Variants in UPP1 observed in about 807,000 individuals in gnomAD.
The protein encoded by UPP1 is uridine phosphorylase 1, also known as UPase 1.
UPP1 carries 25 observed loss-of-function variants against 29.6 expected under a neutral mutation model. That is an observed-to-expected ratio of 0.85 (90% CI 0.62 to 1.18). UPP1 has a LOEUF of 1.18. Ranked by LOEUF, UPP1 falls within the 50% of genes most tolerant of loss-of-function variation. The probability of loss-of-function intolerance (pLI) is 0.00; values close to 1 mark genes in which losing one functional copy is unlikely to be tolerated. For missense variants in UPP1, 368 were observed against 410.4 expected, an observed-to-expected ratio of 0.90 and a Z score of 0.89; for synonymous variants, 165 against 159.8, an observed-to-expected ratio of 1.03 and a Z score of -0.25.
At chr7:48,099,113 T>C (rs561126516) in intron 3 of UPP1, among the ~76,000 whole-genome samples, 1 of 152,364 alleles carries the variant, frequency 6.6e-6, no homozygotes, top group African/African-American at 2.4e-5. Flanking sequence ...GCACATTTTC[T>C]AGCAGATAAA....
rs544113219 is a variant in UPP1 at position 48,104,003 on chromosome 7, A to G, written c.436+592A>G. 219 of 861,722 alleles carry G rather than the reference A, an allele frequency of 2.5e-4. No homozygotes were observed. The African/African-American group carries it at 3.8e-3, about 15-fold the overall frequency. The allele number at this position is 861,722 out of a possible 1,614,324, so 53.4% of individuals were successfully genotyped here. ...GGGAGGCCGAGGCGGGCGGATCACA[A>G]GATCGGGAGATCGAGACCATCCTGG... On this transcript the variant is annotated intron_variant, in intron 6 of 8. Coordinates refer to ENST00000395564, the MANE Select transcript of UPP1 (RefSeq NM_003364.4).
At chr7:48,088,980 G>A (rs1456464773), upstream of UPP1, 1 of 152,298 alleles carries the variant, frequency 6.6e-6, no homozygotes, top group Non-Finnish European at 1.5e-5. Flanking sequence ...ACTGGCTGCT[G>A]GTTCTTTACA....
intron 3 of UPP1, among the ~76,000 whole-genome samples, chr7:48,098,826 C>T (rs891649017): frequency 6.6e-6 from 1 of 152,190 alleles, no homozygotes; most frequent in Non-Finnish European, 1.5e-5. Flanking sequence ...AGAAGGCATA[C>T]ATTGTTGAAG....
At chr7:48,098,589 G>A (rs981130616) in intron 3 of UPP1, among the ~76,000 whole-genome samples, 2 of 152,192 alleles carry the variant, frequency 1.3e-5, no homozygotes, top group African/African-American at 4.8e-5. Flanking sequence ...TGAGGGGGGT[G>A]CATCCCTTAT....
intron 6 of UPP1, among the ~76,000 whole-genome samples, 190 bp downstream of exon 6, chr7:48,103,601 C>A (rs941615001): frequency 6.6e-6 from 1 of 152,090 alleles, no homozygotes; most frequent in Admixed American, 6.5e-5. Context: ...TCTCCCAACC[C>A]GCACCCCAGA....
chr7:48,094,686 T>C, intron 2 of UPP1, 77 bp from the exon 3 acceptor site: 2 of 1,302,090 alleles, frequency 1.5e-6, no homozygotes, highest in Non-Finnish European at 2.2e-6. Context: ...ACTGACTTTC[T>C]ACATATTAGT....
At chr7:48,104,863 G>C (rs974816657) in intron 6 of UPP1, 2 of 152,206 alleles carry the variant, frequency 1.3e-5, no homozygotes, top group East Asian at 3.9e-4. Context: ...TTGCTCTGGA[G>C]TGATTTTTAA....
intron 5 of UPP1, among the ~76,000 whole-genome samples, 200 bp from the exon 6 acceptor site, chr7:48,103,097 G>A (rs1326393613): frequency 2.0e-5 from 3 of 152,166 alleles, no homozygotes; most frequent in African/African-American, 7.2e-5. Flanking sequence ...CGATCAAATG[G>A]GGTTTTGTCT....
At position 48,107,366 on chromosome 7, in the gene UPP1, G is replaced by C; in HGVS notation, c.652G>C (p.Gly218Arg). ...TGTCTCCATGTGTGCCTCAGGGCAAGGCCGTCTGGATGGGGCTCTCTGCTC... is the reference window on the plus strand; with the variant it reads ...TGTCTCCATGTGTGCCTCAGGGCAACGCCGTCTGGATGGGGCTCTCTGCTC... ...MCTLDFYEGQ[G>R]RLDGALCSYT... Residue 218 changes from glycine to arginine, a missense_variant, in exon 8 of 9, where the codon GGC becomes CGC. Gly to Arg is a moderately radical substitution (Grantham distance 125, BLOSUM62 -2). Coordinates refer to ENST00000395564, the MANE Select transcript of UPP1 (RefSeq NM_003364.4). The C allele has an allele frequency of 1.2e-6, 2 of 1,612,050 alleles. No individual in the cohort carries two copies. Among genetic ancestry groups the C allele is most frequent in the Non-Finnish European group, 1.7e-6 (2 of 1,178,660 alleles).
chr7:48,106,927 A>G lies in UPP1; in HGVS notation c.491A>G (p.Lys164Arg), dbSNP rs199777752. Residue 164 changes from lysine (K) to arginine (R), a missense_variant, in exon 7 of 9, where the codon AAG becomes AGG. Physicochemically the swap from Lys to Arg is conservative, Grantham distance 26. Transcript: ENST00000395564. Reference protein sequence around the residue: ...ITEQAVDTCFKAEFEQIVLGK... With the variant: ...ITEQAVDTCFRAEFEQIVLGK... ...GAGCAGGCAGTGGATACCTGCTTCA[A>G]GGCAGAGTTTGAGCAGATTGTCCTG... 4.5e-5 allele frequency: 73 copies of G among 1,613,692 alleles called. No homozygotes were observed. The East Asian group carries it at 1.5e-3, about 33-fold the overall frequency.
chr7:48,099,696 C>A lies in UPP1; in HGVS notation c.71C>A (p.Pro24Gln). The A allele has an allele frequency of 6.2e-7, 1 of 1,613,294 alleles. No individual in the cohort carries two copies. Among genetic ancestry groups the A allele is most frequent in the South Asian group, 1.1e-5 (1 of 91,046 alleles). ...HNDCPVRLLN[P>Q]NIAKMKEDIL... is the part of the protein sequence containing the mutation. The stretch of plus-strand genomic sequence containing the variant: ...GATTGCCCCGTCAGACTTTTAAATC[C>A]AAACATAGCAAAAATGAAAGAAGAT... The change falls in exon 4 of 9, where the codon CCA becomes CAA. Residue 24 changes from proline (P) to glutamine (Q), a missense_variant. Coordinates refer to ENST00000395564, the MANE Select transcript of UPP1 (RefSeq NM_003364.4).
At chr7:48,097,312 C>T (rs1466966874) in intron 3 of UPP1, among the ~76,000 whole-genome samples, 3 of 151,944 alleles carry the variant, frequency 2.0e-5, no homozygotes, top group African/African-American at 7.3e-5. Flanking sequence ...GGGCTCACTG[C>T]AGCCTCAACC....
rs770548821 is a variant in UPP1 at position 48,107,469 on chromosome 7, C to T, written c.755C>T (p.Ser252Leu). The T allele has an allele frequency of 1.9e-5, 31 of 1,613,880 alleles. No individual in the cohort carries two copies. The highest frequency in any genetic ancestry group is 2.3e-5 in the Non-Finnish European group (27 of 1,179,894). ...AGVRNIEMES[S>L]VFAAMCSACG... is the part of the protein sequence containing the mutation. The stretch of plus-strand genomic sequence containing the variant: ...GTCCGCAATATCGAGATGGAGTCCT[C>T]GGTGTTTGCCGCCATGTGCAGCGCC... The change falls in exon 8 of 9, where the codon TCG becomes TTG. Residue 252 changes from serine to leucine, a missense_variant. Transcript: ENST00000395564.
At chr7:48,098,474 A>T (rs988496060) in intron 3 of UPP1, among the ~76,000 whole-genome samples, 1 of 152,180 alleles carries the variant, frequency 6.6e-6, no homozygotes, top group Non-Finnish European at 1.5e-5. Context: ...GCCTCCAGAA[A>T]TTTTTGTTCT....
At chr7:48,103,548 A>G (rs573027657) in intron 6 of UPP1, 137 bp downstream of exon 6, 9 of 891,986 alleles carry the variant, frequency 1.0e-5, no homozygotes, top group South Asian at 6.1e-5. Context: ...TGTTAACAGG[A>G]GGTGTGAAAA....
chr7:48,108,381 C>G lies in UPP1; in HGVS notation c.*24C>G. 6.3e-7 allele frequency: 1 copy of G among 1,596,900 alleles called. No homozygotes were observed. Among genetic ancestry groups the G allele is most frequent in the South Asian group, 1.1e-5 (1 of 89,712 alleles). Reference sequence around the variant, plus strand: ...GAGCGCTGCCCTGCACCTCCGCAGACCTGCTGTGATGACTTGCCATTAAAA... The same window carrying G: ...GAGCGCTGCCCTGCACCTCCGCAGAGCTGCTGTGATGACTTGCCATTAAAA... On this transcript the variant is annotated 3_prime_UTR_variant, in exon 9 of 9. Coordinates refer to ENST00000395564, the MANE Select transcript of UPP1 (RefSeq NM_003364.4).
intron 6 of UPP1, chr7:48,104,005 A>T: frequency 5.8e-6 from 5 of 865,874 alleles, no homozygotes; most frequent in Non-Finnish European, 6.2e-6. Context: ...GGATCACAAG[A>T]TCGGGAGATC....
In UPP1 at chr7:48,094,843, A is replaced by G. The variant is rs752058711; in HGVS notation, c.44+16A>G. On this transcript the variant is annotated intron_variant, in intron 3 of 8. Coordinates refer to ENST00000395564, the MANE Select transcript of UPP1 (RefSeq NM_003364.4). Reference sequence around the variant, plus strand: ...AAAGTCACAAGTAAGGCTCCATTTCATTCCAGGTTGGGTTGGGTGGGGTTG... The same window carrying G: ...AAAGTCACAAGTAAGGCTCCATTTCGTTCCAGGTTGGGTTGGGTGGGGTTG... 15 of 1,550,492 alleles carry G rather than the reference A, an allele frequency of 9.7e-6. No homozygotes were observed. In the African/African-American group the frequency reaches 1.6e-4, roughly 17 times the overall value.
rs1792898647 is a variant in UPP1, at chr7:48,108,539, A to G, written c.*182A>G. ...GAGATGTTCTTCCTTTTGAAGTTTC[A>G]TTGGAGCATTTTCAATGATGTTAGC... On this transcript the variant is annotated 3_prime_UTR_variant, in exon 9 of 9. Transcript: ENST00000395564. 6.0e-6 allele frequency: 4 copies of G among 667,810 alleles called. No homozygotes were observed. Among genetic ancestry groups the G allele is most frequent in the East Asian group, 3.2e-5 (1 of 31,312 alleles). 41.4% of individuals were successfully genotyped at this position (667,810 alleles called of 1,614,324 possible).
Sources: allele counts gnomAD v4.1 joint callset (sites outside exome capture counted in the v4.1 genomes callset), GRCh38; gene constraint gnomAD v4.1.1; transcripts MANE v1.5; gene names NCBI Gene and HGNC (gene_info 2026-07-23, HGNC 2026-07-21).